Variants in CDH13 observed in about 807,000 individuals in gnomAD.
CDH13 encodes the protein cadherin-13.
Under a neutral mutation model 63.8 loss-of-function variants are expected in CDH13, and 24 were observed. That is an observed-to-expected ratio of 0.38 (90% CI 0.27 to 0.53). The LOEUF (loss-of-function observed/expected upper bound fraction) is 0.53. Ranked by LOEUF, CDH13 falls within the 20% of genes least tolerant of loss-of-function variation. The pLI is 0.85. For missense variants in CDH13, 1,049 were observed against 903.1 expected, an observed-to-expected ratio of 1.16 and a Z score of -2.07; for synonymous variants, 503 against 355.3, an observed-to-expected ratio of 1.42 and a Z score of -4.67.
chr16:82,979,988 A>C (rs559956867), intron 2 of CDH13, among the ~76,000 whole-genome samples: 1 of 152,204 alleles, frequency 6.6e-6, no homozygotes, highest in Non-Finnish European at 1.5e-5. Flanking sequence ...AAATTTAATC[A>C]TTAATGGAAT....
At chr16:82,916,814 C>G (rs1378261827) in intron 2 of CDH13, among the ~76,000 whole-genome samples, 1 of 152,114 alleles carries the variant, frequency 6.6e-6, no homozygotes, top group Non-Finnish European at 1.5e-5. Context: ...ATATTCCCTA[C>G]TAGGAGATAG....
At chr16:83,194,267 C>T (rs2038809640) in intron 4 of CDH13, among the ~76,000 whole-genome samples, 1 of 152,216 alleles carries the variant, frequency 6.6e-6, no homozygotes, top group Admixed American at 6.5e-5. Flanking sequence ...CCTGGGTCCT[C>T]AGAATGAGAA....
At chr16:82,985,596 C>G (rs1023494643) in intron 2 of CDH13, among the ~76,000 whole-genome samples, 1 of 152,102 alleles carries the variant, frequency 6.6e-6, no homozygotes, top group African/African-American at 2.4e-5. Context: ...ATCACTTTTG[C>G]CACTTCCCAT....
chr16:83,339,124 A>T (rs1414917175), intron 5 of CDH13, among the ~76,000 whole-genome samples: 4 of 152,076 alleles, frequency 2.6e-5, no homozygotes, highest in African/African-American at 9.7e-5. Flanking sequence ...GGATGGAGAG[A>T]AAAGGGGACA....
chr16:83,598,344 G>T (rs914684055), intron 7 of CDH13, among the ~76,000 whole-genome samples: 1 of 152,198 alleles, frequency 6.6e-6, no homozygotes, highest in South Asian at 2.1e-4. Context: ...CAGCCTGAAC[G>T]ACAGAGTGAG....
chr16:83,229,886 G>T (rs559680690), intron 5 of CDH13, among the ~76,000 whole-genome samples: 2 of 152,318 alleles, frequency 1.3e-5, no homozygotes, highest in East Asian at 3.9e-4. Context: ...AGCTGGACTA[G>T]AGTAATAGCA....
At chr16:83,025,561 T>A (rs1314880921) in intron 2 of CDH13, among the ~76,000 whole-genome samples, 1 of 152,178 alleles carries the variant, frequency 6.6e-6, no homozygotes, top group African/African-American at 2.4e-5. Flanking sequence ...TCCCATCGGC[T>A]TCCTCCCATG....
At chr16:83,619,984 G>C (rs1225004859) in intron 8 of CDH13, among the ~76,000 whole-genome samples, 3 of 152,118 alleles carry the variant, frequency 2.0e-5, no homozygotes, top group Admixed American at 6.5e-5. Flanking sequence ...CAACATGAAA[G>C]AGTCAGGGAG....
At chr16:83,031,246 C>T (rs1248234326) in intron 2 of CDH13, among the ~76,000 whole-genome samples, 3 of 145,750 alleles carry the variant, frequency 2.1e-5, no homozygotes, top group African/African-American at 7.5e-5. Flanking sequence ...CATATACATG[C>T]GCATGTATAC....
intron 2 of CDH13, among the ~76,000 whole-genome samples, chr16:82,981,966 C>A (rs1342268665): frequency 6.6e-6 from 1 of 152,166 alleles, no homozygotes; most frequent in Admixed American, 6.5e-5. Flanking sequence ...CTTAACCTTG[C>A]TGTCTGAATG....
At chr16:83,095,037 T>G (rs2034125747) in intron 3 of CDH13, among the ~76,000 whole-genome samples, 2 of 152,170 alleles carry the variant, frequency 1.3e-5, no homozygotes, top group Admixed American at 1.3e-4. Context: ...TCTTCTTTAT[T>G]TGTTTAGAAA....
At position 82,672,999 on chromosome 16, in the gene CDH13, C is replaced by CTTTTTTTTTTTTTTTTTTTTTTT. The variant is rs562942948; in HGVS notation, c.45+45882_45+45883insTTTTTTTTTTTTTTTTTTTTTTT. Among the ~76,000 whole-genome samples the CTTTTTTTTTTTTTTTTTTTTTTT allele has an allele frequency of 1.5e-4, 12 of 81,278 alleles. 2 individuals are homozygous for CTTTTTTTTTTTTTTTTTTTTTTT. Among genetic ancestry groups the CTTTTTTTTTTTTTTTTTTTTTTT allele is most frequent in the African/African-American group, 4.3e-4 (8 of 18,638 alleles). The allele number at this position is 81,278 out of a possible 152,430, so 53.3% of individuals were successfully genotyped here. A position where few individuals can be genotyped will look rare whatever the true frequency, so the allele number is the denominator to read the frequency against. ...GTATGGCTAATTTTTATAAAGTTTT[C>CTTTTTTTTTTTTTTTTTTTTTTT]TTTTTTTTTTTTTTTTTTTTGTAGA... On this transcript the variant is annotated intron_variant, in intron 1 of 13. Transcript: ENST00000567109.
chr16:83,453,301 A>T (rs948449258), intron 6 of CDH13, among the ~76,000 whole-genome samples: 6 of 152,204 alleles, frequency 3.9e-5, no homozygotes, highest in Non-Finnish European at 8.8e-5. Flanking sequence ...CCAAAATCTC[A>T]CAAATTACCA....
intron 1 of CDH13, among the ~76,000 whole-genome samples, chr16:82,714,050 C>T (rs777818961): frequency 4.6e-5 from 7 of 152,092 alleles, no homozygotes; most frequent in Non-Finnish European, 8.8e-5. Context: ...TCACCTGTCT[C>T]GGCCTTCCAA....
Position 83,492,673 on chromosome 16 carries a change from G to A in CDH13, c.960+6018G>A, listed in dbSNP as rs115579542. The stretch of plus-strand genomic sequence containing the variant: ...TAAAGTAGAATAGGACATTCAAAAG[G>A]CAGAATGCTAAGTCCTGGGGTCTGA... On this transcript the variant is annotated intron_variant, in intron 7 of 13. Coordinates refer to ENST00000567109, the MANE Select transcript of CDH13 (RefSeq NM_001257.5). Among the ~76,000 whole-genome samples, 378 of 152,300 alleles carry A rather than the reference G, an allele frequency of 2.5e-3. 1 individual carries two copies. The highest frequency in any genetic ancestry group is 8.7e-3 in the African/African-American group (361 of 41,554).
chr16:82,665,819 G>C (rs563542354), intron 1 of CDH13, among the ~76,000 whole-genome samples: 1 of 152,062 alleles, frequency 6.6e-6, no homozygotes, highest in African/African-American at 2.4e-5. Flanking sequence ...GAGCACTTGC[G>C]TTAGCCTACA....
chr16:83,084,524 T>C (rs552735683), intron 3 of CDH13, among the ~76,000 whole-genome samples: 2 of 152,330 alleles, frequency 1.3e-5, no homozygotes, highest in South Asian at 4.1e-4. Flanking sequence ...AATGTACTTA[T>C]TTTCTCAATC....
At chr16:82,627,274 G>C in intron 1 of CDH13, 137 bp downstream of exon 1, 1 of 739,022 alleles carries the variant, frequency 1.4e-6, no homozygotes, top group Non-Finnish European at 2.4e-6. Flanking sequence ...GGCTCGGTAG[G>C]GAGGTCATTC....
intron 1 of CDH13, among the ~76,000 whole-genome samples, chr16:82,733,918 G>A (rs1037209925): frequency 6.6e-6 from 1 of 152,220 alleles, no homozygotes; most frequent in African/African-American, 2.4e-5. Flanking sequence ...GGAACACAAA[G>A]CAAGCAAAAT....
Sources: gnomAD v4.1 joint callset for allele counts (sites outside exome capture counted in the v4.1 genomes callset) on GRCh38, gnomAD v4.1.1 for gene constraint, MANE v1.5 for transcripts, NCBI Gene and HGNC (gene_info 2026-07-23, HGNC 2026-07-21) for gene names.